The following FCHO2 variants were observed in gnomAD, a reference collection of about 807,000 sequenced individuals.
FCHO2 encodes F-BAR domain only protein 2.
Under a neutral mutation model 114.1 loss-of-function variants are expected in FCHO2, and 43 were observed. The observed-to-expected ratio is 0.38, with a 90% confidence interval of 0.30 to 0.49. The LOEUF (loss-of-function observed/expected upper bound fraction) is 0.49, where lower values mean the gene tolerates loss of function less well. Among genes scored for constraint, FCHO2 ranks in the 20% least tolerant of loss-of-function variants. The probability of loss-of-function intolerance (pLI) is 0.97; values close to 1 mark genes in which losing one functional copy is unlikely to be tolerated. For synonymous variants in FCHO2, 293 were observed against 315.2 expected (o/e 0.93, Z 0.75); for missense variants, 807 against 950.4 (o/e 0.85, Z 1.98).
chr5:73,080,115 A>G (rs1743042993), intron 22 of FCHO2, among the ~76,000 whole-genome samples: 1 of 152,232 alleles, frequency 6.6e-6, no homozygotes, highest in African/African-American at 2.4e-5. Flanking sequence ...GATGAACCAC[A>G]GGGCTTACCC....
At chr5:73,053,350 C>A (rs1432935716) in intron 13 of FCHO2, among the ~76,000 whole-genome samples, 1 of 151,856 alleles carries the variant, frequency 6.6e-6, no homozygotes, top group African/African-American at 2.4e-5. Flanking sequence ...TTTATTGTAC[C>A]ATTACTATTT....
intron 8 of FCHO2, among the ~76,000 whole-genome samples, chr5:73,032,683 G>A (rs1157168375): frequency 6.6e-6 from 1 of 152,114 alleles, no homozygotes; most frequent in Non-Finnish European, 1.5e-5. Flanking sequence ...TGGCATTGGT[G>A]TTTTGTTTTT....
At position 73,088,159 on chromosome 5, in the gene FCHO2, A is replaced by G; in HGVS notation, c.*69A>G. ...CATTCTGCATTATCTGTTCTTTCCAAACACTATTTTAACTTGTATGATGTC... is the reference window on the plus strand; with the variant it reads ...CATTCTGCATTATCTGTTCTTTCCAGACACTATTTTAACTTGTATGATGTC... On this transcript the variant is annotated 3_prime_UTR_variant, in exon 26 of 26. Coordinates refer to ENST00000430046, the MANE Select transcript of FCHO2 (RefSeq NM_138782.3). The G allele has an allele frequency of 6.3e-7, 1 of 1,588,922 alleles. No homozygotes were observed. The highest frequency in any genetic ancestry group is 1.7e-4 in the Middle Eastern group (1 of 6,026).
At chr5:72,986,944 T>C (rs1427907249) in intron 2 of FCHO2, among the ~76,000 whole-genome samples, 1 of 151,344 alleles carries the variant, frequency 6.6e-6, no homozygotes, top group Non-Finnish European at 1.5e-5. Flanking sequence ...AGTGGCACCA[T>C]CTCGGCTCAC....
intron 5 of FCHO2, chr5:72,997,318 C>G: frequency 6.4e-7 from 1 of 1,568,920 alleles, no homozygotes; most frequent in Non-Finnish European, 8.7e-7. Flanking sequence ...GCATGGAGAT[C>G]TATGGCTCTG....
chr5:73,021,359 T>C (rs929141111), intron 8 of FCHO2: 4 of 371,236 alleles, frequency 1.1e-5, no homozygotes, highest in Non-Finnish European at 2.1e-5. Context: ...TGAGAAAGGA[T>C]AGGGGTCAAG....
chr5:72,972,192 T>A (rs1373967001), intron 2 of FCHO2, among the ~76,000 whole-genome samples: 1 of 152,042 alleles, frequency 6.6e-6, no homozygotes, highest in African/African-American at 2.4e-5. Context: ...GGGCTCTTTT[T>A]TGGTTCCATA....
chr5:73,074,800 A>G lies in FCHO2; in HGVS notation c.1638A>G (p.Ala546=), dbSNP rs769758683. 6.2e-7 allele frequency: 1 copy of G among 1,613,120 alleles called. No homozygotes were observed. The highest frequency in any genetic ancestry group is 1.1e-5 in the South Asian group (1 of 90,960). ...SLGNQDTLPV[A]VALTESVNAY... ...GAAATCAGGATACCTTACCTGTGGC[A>G]GTTGCCCTTACAGAATCTGTTAATG... The change falls in exon 20 of 26, where the codon GCA becomes GCG. Residue 546 remains alanine, a synonymous_variant. Coordinates refer to ENST00000430046, the MANE Select transcript of FCHO2 (RefSeq NM_138782.3).
chr5:73,028,214 C>CT (rs1561460625), intron 8 of FCHO2, among the ~76,000 whole-genome samples: 2 of 151,912 alleles, frequency 1.3e-5, no homozygotes, highest in African/African-American at 2.4e-5. Flanking sequence ...GAAAAAAAGA[C>CT]TGAGTATACC....
chr5:72,968,471 G>A, intron 1 of FCHO2, 27 bp from the exon 2 acceptor site: 1 of 1,429,846 alleles, frequency 7.0e-7, no homozygotes, highest in South Asian at 1.4e-5. Flanking sequence ...GTTTTTTTAT[G>A]AAACTAAAAA....
chr5:72,958,107 C>T (rs958898855), intron 1 of FCHO2, among the ~76,000 whole-genome samples: 3 of 151,420 alleles, frequency 2.0e-5, no homozygotes, highest in Non-Finnish European at 4.4e-5. Context: ...AACATTTTCT[C>T]CCATTCTGTG....
chr5:73,004,929 A>G (rs1754637854), intron 5 of FCHO2, among the ~76,000 whole-genome samples: 1 of 152,230 alleles, frequency 6.6e-6, no homozygotes, highest in Admixed American at 6.5e-5. Context: ...AGTATATAAT[A>G]CAGAGTCTGT....
intron 17 of FCHO2, among the ~76,000 whole-genome samples, chr5:73,062,044 C>A (rs1182828395): frequency 6.6e-6 from 1 of 151,966 alleles, no homozygotes; most frequent in Admixed American, 6.6e-5. Context: ...TATAGAGTAG[C>A]CCTTATCGCC....
intron 8 of FCHO2, chr5:73,021,343 G>C (rs1217179775): frequency 5.1e-6 from 2 of 393,914 alleles, no homozygotes; most frequent in Non-Finnish European, 9.6e-6. Context: ...AGGGAAGGAG[G>C]GAGGGTGAGA....
chr5:73,006,872 T>C (rs1426165537), intron 6 of FCHO2, among the ~76,000 whole-genome samples: 1 of 152,156 alleles, frequency 6.6e-6, no homozygotes, highest in Admixed American at 6.6e-5. Context: ...GTAGTGAGGC[T>C]ACGGCAGTCA....
intron 22 of FCHO2, among the ~76,000 whole-genome samples, chr5:73,080,868 T>C (rs1017490539): frequency 9.9e-5 from 15 of 152,126 alleles, no homozygotes; most frequent in African/African-American, 3.6e-4. Context: ...CCCAGTACTT[T>C]GAGAGGCTGA....
chr5:72,957,381 A>G (rs1356748995), intron 1 of FCHO2, among the ~76,000 whole-genome samples: 1 of 151,870 alleles, frequency 6.6e-6, no homozygotes, highest in African/African-American at 2.4e-5. Context: ...GTCACTCCCC[A>G]TTTTCCCCCT....
rs980243817 is a variant in FCHO2 at position 72,989,486 on chromosome 5, A to G, written c.185A>G (p.Asn62Ser). 18 of 1,603,526 alleles carry G rather than the reference A, an allele frequency of 1.1e-5. No homozygotes were observed. The highest frequency in any genetic ancestry group is 1.4e-5 in the Non-Finnish European group (17 of 1,174,656). Residue 62 changes from asparagine (N) to serine (S), a missense_variant, in exon 3 of 26, where the codon AAT (asparagine) becomes AGT (serine). Asn to Ser is a conservative substitution (Grantham distance 46, BLOSUM62 1). Coordinates refer to ENST00000430046, the MANE Select transcript of FCHO2 (RefSeq NM_138782.3). ...SMTKLAKSAS[N>S]YSQLGTFAPV... ...ACAAAACTAGCAAAATCTGCAAGCAATTATTCACAACTTGGGTGAGTTAAT... is the reference window on the plus strand; with the variant it reads ...ACAAAACTAGCAAAATCTGCAAGCAGTTATTCACAACTTGGGTGAGTTAAT...
intron 8 of FCHO2, among the ~76,000 whole-genome samples, chr5:73,027,424 A>G (rs1755998726): frequency 6.7e-6 from 1 of 150,068 alleles, no homozygotes; most frequent in Non-Finnish European, 1.5e-5. Context: ...GATGAAGTGC[A>G]GTTTACCAAA....
Sources: allele counts gnomAD v4.1 joint callset (sites outside exome capture counted in the v4.1 genomes callset), GRCh38; gene constraint gnomAD v4.1.1; transcripts MANE v1.5; gene names NCBI Gene and HGNC (gene_info 2026-07-23, HGNC 2026-07-21).